MIPEP: variants seen among roughly 807,000 people sequenced by gnomAD.
MIPEP encodes mitochondrial intermediate peptidase.
In MIPEP, 79 loss-of-function variants were observed where a neutral mutation model predicts 90.3. The ratio of observed to expected loss-of-function variants is 0.87; its 90% CI spans 0.73 to 1.05. The LOEUF (loss-of-function observed/expected upper bound fraction) is 1.05. Ranked by LOEUF, MIPEP falls within the 50% of genes least tolerant of loss-of-function variation. The probability of loss-of-function intolerance (pLI) is 0.00; values close to 1 mark genes in which losing one functional copy is unlikely to be tolerated. For missense variants in MIPEP, 940 were observed against 905.6 expected (o/e 1.04, Z -0.49); for synonymous variants, 334 against 315.8 (o/e 1.06, Z -0.61).
At position 23,809,557 on chromosome 13, in the gene MIPEP, C is replaced by T. The variant is rs559643352; in HGVS notation, c.1728+293G>A. ...ATGGGGTTTCACCGTGTTGGTTAAG[C>T]TGGTCTCAAACTCCTGACCTCGTGA... On this transcript the variant is annotated intron_variant, in intron 15 of 18. Coordinates refer to ENST00000382172, the MANE Select transcript of MIPEP (RefSeq NM_005932.4). Among the ~76,000 whole-genome samples the T allele has an allele frequency of 1.8e-4, 28 of 152,152 alleles. No individual in the cohort carries two copies. In the South Asian group the frequency reaches 5.6e-3, roughly 30 times the overall value.
chr13:23,878,781 C>T (rs1871167334), intron 4 of MIPEP, among the ~76,000 whole-genome samples: 1 of 152,150 alleles, frequency 6.6e-6, no homozygotes, highest in Non-Finnish European at 1.5e-5. Context: ...TGACATCCTC[C>T]CAGTAGATAA....
intron 18 of MIPEP, among the ~76,000 whole-genome samples, chr13:23,731,458 T>C (rs1952203702): frequency 6.6e-6 from 1 of 152,142 alleles, no homozygotes; most frequent in South Asian, 2.1e-4. Context: ...GGCAGAAAAC[T>C]AGCCTTGACT....
At chr13:23,833,785 C>G (rs1382247267) in intron 14 of MIPEP, among the ~76,000 whole-genome samples, 2 of 152,056 alleles carry the variant, frequency 1.3e-5, no homozygotes, top group Non-Finnish European at 2.9e-5. Context: ...TAGTCACCCC[C>G]GCGTGTGTGT....
chr13:23,741,219 C>G (rs1283680929), intron 18 of MIPEP, among the ~76,000 whole-genome samples: 4 of 151,766 alleles, frequency 2.6e-5, no homozygotes, highest in Non-Finnish European at 5.9e-5. Context: ...ACACTGTTGG[C>G]GGGGGTATAA....
At chr13:23,797,029 A>G (rs1379865090) in intron 16 of MIPEP, among the ~76,000 whole-genome samples, 2 of 152,242 alleles carry the variant, frequency 1.3e-5, no homozygotes, top group African/African-American at 4.8e-5. Context: ...AAAGGAGCAG[A>G]GCATTATATT....
chr13:23,838,144 ATT>A (rs898826584), intron 12 of MIPEP, among the ~76,000 whole-genome samples: 3 of 150,624 alleles, frequency 2.0e-5, no homozygotes, highest in African/African-American at 7.3e-5. Flanking sequence ...TCTCTTGGCT[ATT>A]TTTTTTTCTT....
At chr13:23,858,503 G>A (rs1018918832) in intron 10 of MIPEP, among the ~76,000 whole-genome samples, 3 of 144,700 alleles carry the variant, frequency 2.1e-5, no homozygotes, top group Non-Finnish European at 3.0e-5. Context: ...GGAAAATAAC[G>A]TAGTACCACG....
intron 13 of MIPEP, 54 bp from the exon 14 acceptor site, chr13:23,836,403 A>G (rs1308391326): frequency 9.7e-7 from 1 of 1,036,028 alleles, no homozygotes; most frequent in Non-Finnish European, 1.4e-6. Flanking sequence ...ATATTTATCT[A>G]CTTTTTGTGT....
In MIPEP at chr13:23,809,833, C is replaced by A. The variant is rs768502994; in HGVS notation, c.1728+17G>T. 49 of 1,570,662 alleles carry A rather than the reference C, an allele frequency of 3.1e-5. No individual in the cohort carries two copies. The African/African-American group carries it at 6.4e-4, about 20-fold the overall frequency. On this transcript the variant is annotated intron_variant, in intron 15 of 18. Coordinates refer to ENST00000382172, the MANE Select transcript of MIPEP (RefSeq NM_005932.4). ...ATAATGACTCCGGAAAACTTCAGAA[C>A]AAAGGTACATACATACCTGAAGTTG...
intron 18 of MIPEP, among the ~76,000 whole-genome samples, chr13:23,735,564 C>G (rs537021866): frequency 1.5e-4 from 23 of 149,766 alleles, no homozygotes; most frequent in African/African-American, 4.9e-4. Flanking sequence ...TCCTTCCCAG[C>G]AGACAGGCCC....
intron 11 of MIPEP, among the ~76,000 whole-genome samples, chr13:23,840,565 T>C (rs1285516615): frequency 6.6e-6 from 1 of 152,196 alleles, no homozygotes; most frequent in Non-Finnish European, 1.5e-5. Context: ...GTAATACAGA[T>C]AGTGAAGTAA....
intron 16 of MIPEP, among the ~76,000 whole-genome samples, chr13:23,787,565 T>A (rs1952859856): frequency 6.6e-6 from 1 of 152,196 alleles, no homozygotes; most frequent in African/African-American, 2.4e-5. Context: ...CACCATCCTA[T>A]TCATTTTCAT....
chr13:23,778,327 A>T (rs1952739068), intron 16 of MIPEP, among the ~76,000 whole-genome samples: 1 of 152,240 alleles, frequency 6.6e-6, no homozygotes, highest in South Asian at 2.1e-4. Context: ...TTTCTTTTAT[A>T]ATTATTAAAT....
At chr13:23,734,365 T>C (rs969305030) in intron 18 of MIPEP, among the ~76,000 whole-genome samples, 1 of 152,176 alleles carries the variant, frequency 6.6e-6, no homozygotes, top group African/African-American at 2.4e-5. Flanking sequence ...CCAAAAACCC[T>C]GGTGCTCCAC....
chr13:23,853,698 C>T (rs1040689711), intron 10 of MIPEP, among the ~76,000 whole-genome samples: 1 of 151,890 alleles, frequency 6.6e-6, no homozygotes, highest in East Asian at 1.9e-4. Flanking sequence ...GTAGCTGGGA[C>T]TACAGGCACT....
chr13:23,872,097 G>C (rs575189442), intron 5 of MIPEP, among the ~76,000 whole-genome samples: 1 of 152,108 alleles, frequency 6.6e-6, no homozygotes, highest in South Asian at 2.1e-4. Context: ...TGAAATTTCT[G>C]TGTTATTAAA....
At chr13:23,746,550 C>G (rs536596043) in intron 18 of MIPEP, among the ~76,000 whole-genome samples, 1 of 149,026 alleles carries the variant, frequency 6.7e-6, no homozygotes, top group Non-Finnish European at 1.5e-5. Context: ...ATGAGAATCA[C>G]TTGAACCAAG....
At chr13:23,742,071 G>C (rs1021011495) in intron 18 of MIPEP, among the ~76,000 whole-genome samples, 26 of 152,130 alleles carry the variant, frequency 1.7e-4, no homozygotes, top group Admixed American at 1.1e-3. Context: ...GCAGCTATTC[G>C]AATGCAGTTC....
At chr13:23,826,402 T>TA (rs1868457318) in intron 14 of MIPEP, among the ~76,000 whole-genome samples, 1 of 152,046 alleles carries the variant, frequency 6.6e-6, no homozygotes, top group Non-Finnish European at 1.5e-5. Context: ...GGAACATTTC[T>TA]AAAAAACTGA....
Sources: gnomAD v4.1 joint callset for allele counts (sites outside exome capture counted in the v4.1 genomes callset) on GRCh38, gnomAD v4.1.1 for gene constraint, MANE v1.5 for transcripts, NCBI Gene and HGNC (gene_info 2026-07-23, HGNC 2026-07-21) for gene names.